CIROZ: variants seen among roughly 807,000 people sequenced by gnomAD.
CIROZ encodes the protein ciliated left-right organizer protein containing ZP-N domains.
the CIROZ span, chr1:10,957,463 A>G: frequency 1.7e-6 from 2 of 1,147,426 alleles, no homozygotes; most frequent in Non-Finnish European, 2.4e-6. Flanking sequence ...CTTTACGCTA[A>G]TGGGGCCCAA....
At chr1:10,947,243 A>C in the CIROZ span, among the ~76,000 whole-genome samples, 1 of 152,154 alleles carries the variant, frequency 6.6e-6, no homozygotes, top group African/African-American at 2.4e-5. Context: ...CAAAGCCTGC[A>C]CCTCACCCTG....
chr1:10,979,600 C>G, the CIROZ span, among the ~76,000 whole-genome samples: 1 of 152,070 alleles, frequency 6.6e-6, no homozygotes, highest in South Asian at 2.1e-4. Flanking sequence ...AACTGCAAGG[C>G]AAGCACAAGG....
the CIROZ span, among the ~76,000 whole-genome samples, chr1:10,952,433 C>T: frequency 6.6e-6 from 1 of 152,162 alleles, no homozygotes; most frequent in African/African-American, 2.4e-5. Flanking sequence ...GACCTGCCCT[C>T]TCATCAAAAC....
chr1:10,972,425 ACACACAC>A, the CIROZ span, among the ~76,000 whole-genome samples: 528 of 139,370 alleles, frequency 3.8e-3, 7 homozygotes, highest in African/African-American at 0.014. Flanking sequence ...TGAAATACAC[ACACACAC>A]ACACACACAC....
chr1:10,949,920 G>A, the CIROZ span: 34 of 1,022,904 alleles, frequency 3.3e-5, no homozygotes, highest in East Asian at 5.4e-4. Context: ...GGTGGGGAAC[G>A]GAAGCTTGGG....
chr1:10,957,024 C>A, the CIROZ span: 3 of 1,550,644 alleles, frequency 1.9e-6, no homozygotes, highest in Non-Finnish European at 1.7e-6. Flanking sequence ...GGGTCTTACC[C>A]GGTGGGCAAG....
At chr1:10,970,452 A>C in the CIROZ span, among the ~76,000 whole-genome samples, 1 of 151,748 alleles carries the variant, frequency 6.6e-6, no homozygotes, top group Non-Finnish European at 1.5e-5. Flanking sequence ...ACACGGTGAA[A>C]CTCCGTCTCT....
the CIROZ span, among the ~76,000 whole-genome samples, chr1:10,976,437 C>T: frequency 5.9e-5 from 9 of 151,906 alleles, no homozygotes; most frequent in South Asian, 2.1e-4. Flanking sequence ...CTGCAACCTC[C>T]GCCTCCCCGG....
chr1:10,965,885 T>A, the CIROZ span, among the ~76,000 whole-genome samples: 1 of 151,788 alleles, frequency 6.6e-6, no homozygotes, highest in Admixed American at 6.6e-5. Flanking sequence ...TAGAGTCACA[T>A]GGTCTCGTGA....
chr1:10,975,222 A>G, the CIROZ span, among the ~76,000 whole-genome samples: 1 of 152,056 alleles, frequency 6.6e-6, no homozygotes, highest in Non-Finnish European at 1.5e-5. Flanking sequence ...CCTGGCTAAC[A>G]TGGCGAAACC....
the CIROZ span, among the ~76,000 whole-genome samples, chr1:10,976,408 TCACTGCAACCTCCGCC>T: frequency 2.6e-5 from 4 of 151,054 alleles, no homozygotes; most frequent in African/African-American, 4.9e-5. Context: ...CGATCTAAGC[TCACTGCAACCTCCGCC>T]CACTGCAACC....
chr1:10,982,066 T>C, the CIROZ span: 2 of 1,537,000 alleles, frequency 1.3e-6, no homozygotes, highest in Non-Finnish European at 1.7e-6. Context: ...TCTCCTGCCC[T>C]GGGAGAATTT....
the CIROZ span, chr1:10,948,941 G>A: frequency 8.1e-7 from 1 of 1,230,962 alleles, no homozygotes; most frequent in Non-Finnish European, 1.1e-6. Context: ...ATGGGTTCGA[G>A]GGACCGGGTG....
chr1:10,954,912 C>T, the CIROZ span: 1 of 1,438,742 alleles, frequency 7.0e-7, no homozygotes, highest in Non-Finnish European at 9.4e-7. Flanking sequence ...TGTTTCTGAC[C>T]ACATATGGCA....
the CIROZ span, chr1:10,949,475 G>A: frequency 2.2e-6 from 2 of 908,046 alleles, no homozygotes; most frequent in African/African-American, 3.4e-5. Context: ...ATTTGAGGAG[G>A]TAACATGGTT....
chr1:10,977,189 G>A, the CIROZ span, among the ~76,000 whole-genome samples: 1 of 151,828 alleles, frequency 6.6e-6, no homozygotes, highest in African/African-American at 2.4e-5. Flanking sequence ...CACCATGCCT[G>A]GCCTCAAAAA....
chr1:10,970,211 G>A, the CIROZ span: 13 of 936,732 alleles, frequency 1.4e-5, no homozygotes, highest in Non-Finnish European at 1.6e-5. Context: ...TGGCTTCAAT[G>A]GAATAGTCAG....
At chr1:10,979,406 A>G in the CIROZ span, among the ~76,000 whole-genome samples, 2 of 152,192 alleles carry the variant, frequency 1.3e-5, no homozygotes, top group Non-Finnish European at 2.9e-5. Flanking sequence ...AGAGGAGTTC[A>G]GGAAATAATC....
the CIROZ span, chr1:10,955,188 T>C: frequency 6.2e-7 from 1 of 1,600,028 alleles, no homozygotes; most frequent in Non-Finnish European, 8.5e-7. Context: ...GGAATGACAC[T>C]GGAATGGGAA....
Sources: allele counts gnomAD v4.1 joint callset (sites outside exome capture counted in the v4.1 genomes callset), GRCh38; gene constraint gnomAD v4.1.1; transcripts MANE v1.5; gene names NCBI Gene and HGNC (gene_info 2026-07-23, HGNC 2026-07-21).